Variants in SGCD observed in about 807,000 individuals in gnomAD.
SGCD encodes the protein delta-sarcoglycan.
SGCD carries 18 observed loss-of-function variants against 36.6 expected under a neutral mutation model. The observed-to-expected ratio is 0.49, with a 90% CI of 0.34 to 0.73. The LOEUF (loss-of-function observed/expected upper bound fraction) is 0.73. SGCD is among the 30% of genes least tolerant of loss of function. SGCD has a pLI of 0.01. For synonymous variants in SGCD, 133 were observed against 130.6 expected, an observed-to-expected ratio of 1.02 and a Z score of -0.12; for missense variants, 387 against 346.7, an observed-to-expected ratio of 1.12 and a Z score of -0.92.
At chr5:155,868,213 G>A (rs2113268160), upstream of SGCD, among the ~76,000 whole-genome samples, 1 of 152,042 alleles carries the variant, frequency 6.6e-6, no homozygotes, top group Non-Finnish European at 1.5e-5. Flanking sequence ...CATCATGCCT[G>A]GCTAATTTTT....
chr5:156,333,032 ATTTT>A (rs1768145732), intron 2 of SGCD, among the ~76,000 whole-genome samples: 1 of 152,202 alleles, frequency 6.6e-6, no homozygotes, highest in Non-Finnish European at 1.5e-5. Context: ...CTGTTTAGCT[ATTTT>A]TATCATACTT....
chr5:155,947,408 G>A (rs1259140408), intron 1 of SGCD, among the ~76,000 whole-genome samples: 1 of 150,428 alleles, frequency 6.6e-6, no homozygotes, highest in Non-Finnish European at 1.5e-5. Flanking sequence ...TGTCTATACA[G>A]TTTTCCTAAA....
At chr5:156,181,024 G>T (rs992071470) in intron 3 of SGCD, among the ~76,000 whole-genome samples, 2 of 152,164 alleles carry the variant, frequency 1.3e-5, no homozygotes, top group African/African-American at 2.4e-5. Flanking sequence ...TTGAAAATAA[G>T]CTTTCTTAGT....
chr5:155,842,601 A>T, the SGCD span, among the ~76,000 whole-genome samples: 6 of 152,202 alleles, frequency 3.9e-5, no homozygotes, highest in East Asian at 9.7e-4. Context: ...ACTAAAATAA[A>T]GTTACTTTGA....
At chr5:155,922,359 G>A (rs1270827548) in intron 1 of SGCD, among the ~76,000 whole-genome samples, 1 of 152,074 alleles carries the variant, frequency 6.6e-6, no homozygotes, top group African/African-American at 2.4e-5. Context: ...GCAGGGATGT[G>A]CCTGAACCCC....
chr5:156,374,602 C>T (rs368674380), intron 3 of SGCD, among the ~76,000 whole-genome samples: 4 of 151,408 alleles, frequency 2.6e-5, no homozygotes, highest in African/African-American at 9.7e-5. Flanking sequence ...AAGAAAAAGT[C>T]TCAATTGTTT....
chr5:155,736,167 T>C, the SGCD span, among the ~76,000 whole-genome samples: 1 of 152,222 alleles, frequency 6.6e-6, no homozygotes, highest in Non-Finnish European at 1.5e-5. Flanking sequence ...GTCAATATTA[T>C]GGAGACAGTA....
intron 4 of SGCD, among the ~76,000 whole-genome samples, chr5:156,520,648 T>C (rs1228288892): frequency 1.3e-5 from 2 of 152,138 alleles, no homozygotes; most frequent in African/African-American, 4.8e-5. Flanking sequence ...ACTACAAGGC[T>C]ACACTCACCA....
chr5:156,056,379 A>T (rs1157403176), intron 1 of SGCD, among the ~76,000 whole-genome samples: 2 of 145,650 alleles, frequency 1.4e-5, no homozygotes, highest in African/African-American at 4.9e-5. Context: ...GCCAGGGGCC[A>T]CAAGATTCCA....
chr5:156,313,254 T>G (rs1446909180), intron 3 of SGCD, among the ~76,000 whole-genome samples: 4 of 152,092 alleles, frequency 2.6e-5, no homozygotes, highest in Admixed American at 6.5e-5. Flanking sequence ...ATCTTTCATC[T>G]TAAAAGCTGT....
chr5:155,799,166 T>C, the SGCD span, among the ~76,000 whole-genome samples: 2 of 152,206 alleles, frequency 1.3e-5, no homozygotes, highest in Non-Finnish European at 2.9e-5. Context: ...ATGATTCACA[T>C]ATCTGTTAAA....
chr5:156,707,191 T>A (rs1395618645), intron 7 of SGCD, among the ~76,000 whole-genome samples: 1 of 152,196 alleles, frequency 6.6e-6, no homozygotes, highest in Non-Finnish European at 1.5e-5. Context: ...ATATATAAAT[T>A]AATATTTGTT....
intron 1 of SGCD, among the ~76,000 whole-genome samples, chr5:156,004,506 G>A (rs907852823): frequency 5.9e-5 from 9 of 152,160 alleles, no homozygotes; most frequent in Middle Eastern, 3.4e-3. Flanking sequence ...TTTCCCTGCC[G>A]CAGACTGGAA....
chr5:155,944,309 T>C (rs1206252957), intron 1 of SGCD, among the ~76,000 whole-genome samples: 1 of 152,190 alleles, frequency 6.6e-6, no homozygotes, highest in African/African-American at 2.4e-5. Context: ...TGTATATATG[T>C]ATTACTTAGG....
chr5:156,644,860 T>G (rs1322732340), intron 6 of SGCD, among the ~76,000 whole-genome samples: 1 of 152,142 alleles, frequency 6.6e-6, no homozygotes, highest in Non-Finnish European at 1.5e-5. Flanking sequence ...AGATCTGGAC[T>G]TGAATATCCT....
intron 4 of SGCD, among the ~76,000 whole-genome samples, chr5:156,543,178 T>A (rs921142931): frequency 6.6e-6 from 1 of 152,186 alleles, no homozygotes; most frequent in African/African-American, 2.4e-5. Flanking sequence ...GTTTCTTTAT[T>A]GCGGGAGCTG....
At chr5:156,129,056 G>A (rs900850619) in intron 3 of SGCD, among the ~76,000 whole-genome samples, 1 of 152,140 alleles carries the variant, frequency 6.6e-6, no homozygotes, top group Non-Finnish European at 1.5e-5. Context: ...TTCTGGTGAG[G>A]TGATGCCTGG....
intron 6 of SGCD, among the ~76,000 whole-genome samples, chr5:156,623,901 C>A (rs114517019): frequency 6.6e-6 from 1 of 152,092 alleles, no homozygotes; most frequent in Non-Finnish European, 1.5e-5. Flanking sequence ...ATGAGGGTGT[C>A]CCAGCACAAG....
rs547921802 is a variant in SGCD, at chr5:156,068,776, C to T, written c.-281-49102C>T. Among the ~76,000 whole-genome samples, 15 of 151,872 alleles carry T rather than the reference C, an allele frequency of 9.9e-5. No individual in the cohort carries two copies. The East Asian group carries it at 2.3e-3, about 23-fold the overall frequency. ...TGTTCCTATTTCTCCACATCCTCTCCAGCACCTGTTGTTTCCTGACTTCTT... is the reference window on the plus strand; with the variant it reads ...TGTTCCTATTTCTCCACATCCTCTCTAGCACCTGTTGTTTCCTGACTTCTT... On this transcript the variant is annotated intron_variant, in intron 1 of 9. Coordinates refer to the SGCD transcript ENST00000517913.
Sources: gnomAD v4.1 joint callset for allele counts (sites outside exome capture counted in the v4.1 genomes callset) on GRCh38, gnomAD v4.1.1 for gene constraint, MANE v1.5 for transcripts, NCBI Gene and HGNC (gene_info 2026-07-23, HGNC 2026-07-21) for gene names.